Variants in PDE4D observed in about 807,000 individuals in gnomAD.
PDE4D encodes phosphodiesterase 4D, also known as 3',5'-cyclic-AMP phosphodiesterase 4D.
PDE4D carries 24 observed loss-of-function variants against 87.4 expected under a neutral mutation model. That is an observed-to-expected ratio of 0.27 (90% CI 0.20 to 0.39). PDE4D has a LOEUF of 0.39. PDE4D is among the 10% of genes least tolerant of loss of function. The pLI is 1.00. For missense variants in PDE4D, 714 were observed against 1,041.0 expected (o/e 0.69, Z 4.32); for synonymous variants, 384 against 383.2 (o/e 1.00, Z -0.02).
chr5:59,357,146 C>G (rs1020240556), intron 1 of PDE4D, among the ~76,000 whole-genome samples: 2 of 151,982 alleles, frequency 1.3e-5, no homozygotes, highest in Non-Finnish European at 2.9e-5. Flanking sequence ...TAAATATAGC[C>G]CTGATTAAAC....
At chr5:59,629,968 C>A (rs797008045) in intron 1 of PDE4D, among the ~76,000 whole-genome samples, 1 of 152,052 alleles carries the variant, frequency 6.6e-6, no homozygotes, top group South Asian at 2.1e-4. Flanking sequence ...GATTCAATGA[C>A]AATGAAACAA....
intron 5 of PDE4D, 93 bp from the exon 6 acceptor site, chr5:59,039,064 A>C: frequency 6.7e-7 from 1 of 1,499,886 alleles, no homozygotes; most frequent in Non-Finnish European, 8.9e-7. Flanking sequence ...ATACCCCGCC[A>C]TGCTCGGATG....
At chr5:59,853,559 TTAAC>T (rs1744989633) in intron 1 of PDE4D, among the ~76,000 whole-genome samples, 1 of 152,060 alleles carries the variant, frequency 6.6e-6, no homozygotes, top group African/African-American at 2.4e-5. Context: ...TTCGTCTAAT[TTAAC>T]TAGCATTAAT....
intron 1 of PDE4D, chr5:59,275,807 TAGAG>T: frequency 8.1e-6 from 8 of 986,066 alleles, no homozygotes; most frequent in Non-Finnish European, 8.4e-6. Context: ...AGAGCGCAGG[TAGAG>T]AGAGAGAAAA....
intron 1 of PDE4D, among the ~76,000 whole-genome samples, chr5:59,676,391 C>T (rs1349691461): frequency 6.6e-6 from 1 of 152,122 alleles, no homozygotes; most frequent in East Asian, 1.9e-4. Context: ...TACTTTCATT[C>T]AGTCAATAGA....
chr5:59,637,569 A>G (rs935174086), intron 1 of PDE4D, among the ~76,000 whole-genome samples: 1 of 142,594 alleles, frequency 7.0e-6, no homozygotes, highest in African/African-American at 2.6e-5. Flanking sequence ...TTGCAGACAT[A>G]AAAAAAAAAA....
At chr5:59,952,500 T>C (rs1027831537) in intron 3 of PDE4D, among the ~76,000 whole-genome samples, 3 of 152,192 alleles carry the variant, frequency 2.0e-5, no homozygotes, top group Non-Finnish European at 4.4e-5. Context: ...AAGATTAATA[T>C]ACAGATCTTC....
At chr5:59,687,292 T>C (rs935012220) in intron 1 of PDE4D, among the ~76,000 whole-genome samples, 1 of 151,982 alleles carries the variant, frequency 6.6e-6, no homozygotes, top group African/African-American at 2.4e-5. Context: ...TCACTAAAGT[T>C]GAAATGAAGG....
At chr5:60,298,856 C>A (rs545577130) in intron 1 of PDE4D, among the ~76,000 whole-genome samples, 4 of 152,014 alleles carry the variant, frequency 2.6e-5, no homozygotes, top group Admixed American at 2.6e-4. Context: ...AGAAACATAC[C>A]AAATATAAGA....
intron 3 of PDE4D, among the ~76,000 whole-genome samples, chr5:59,946,646 G>T (rs1430627588): frequency 6.6e-6 from 1 of 152,172 alleles, no homozygotes; most frequent in Non-Finnish European, 1.5e-5. Flanking sequence ...CTTAGCATTT[G>T]CCAGGTTTTA....
intron 1 of PDE4D, among the ~76,000 whole-genome samples, chr5:59,474,099 G>GGTGTGT (rs935279658): frequency 2.0e-5 from 3 of 151,976 alleles, no homozygotes; most frequent in African/African-American, 7.2e-5. Context: ...CTAAAATCAC[G>GGTGTGT]GTGTGTGTGT....
intron 3 of PDE4D, among the ~76,000 whole-genome samples, chr5:59,918,545 T>C (rs1754320136): frequency 6.6e-6 from 1 of 152,206 alleles, no homozygotes; most frequent in Non-Finnish European, 1.5e-5. Flanking sequence ...CTTATGCTTA[T>C]GCTATATAAA....
chr5:59,217,962 A>T (rs768193766), intron 1 of PDE4D: 5 of 472,990 alleles, frequency 1.1e-5, no homozygotes, highest in East Asian at 6.0e-5. Context: ...GTGCATTAAG[A>T]TACAAAAATA....
intron 1 of PDE4D, among the ~76,000 whole-genome samples, chr5:60,496,390 G>C (rs1749815794): frequency 6.6e-6 from 1 of 152,010 alleles, no homozygotes; most frequent in Admixed American, 6.6e-5. Flanking sequence ...TCCTGTCTTG[G>C]CTTCAGAAAA....
chr5:59,559,165 T>C (rs996300377), intron 1 of PDE4D, among the ~76,000 whole-genome samples: 1 of 152,190 alleles, frequency 6.6e-6, no homozygotes, highest in Non-Finnish European at 1.5e-5. Flanking sequence ...CATGTCAAAT[T>C]CCTAACATGG....
intron 1 of PDE4D, among the ~76,000 whole-genome samples, chr5:59,492,997 C>T (rs1257229359): frequency 6.6e-6 from 1 of 152,074 alleles, no homozygotes; most frequent in Non-Finnish European, 1.5e-5. Context: ...TCTTTTTCTT[C>T]CTAGTGTCAA....
chr5:59,658,539 G>A (rs147311172), intron 1 of PDE4D, among the ~76,000 whole-genome samples: 10,908 of 152,100 alleles, frequency 0.072, 1,201 homozygotes, highest in African/African-American at 0.24. Flanking sequence ...CCGCCACTGC[G>A]CCCAGCTAAT....
chr5:60,495,058 C>G (rs1749739306), intron 1 of PDE4D, among the ~76,000 whole-genome samples: 1 of 152,156 alleles, frequency 6.6e-6, no homozygotes, highest in African/African-American at 2.4e-5. Context: ...AGAGCACAGG[C>G]CACCACTAAG....
At chr5:58,976,229 A>C in intron 13 of PDE4D, 121 bp downstream of exon 13, 1 of 1,075,686 alleles carries the variant, frequency 9.3e-7, no homozygotes, top group Non-Finnish European at 1.3e-6. Flanking sequence ...AATCCTGCCT[A>C]CAATTGCTGA....
Sources: allele counts gnomAD v4.1 joint callset (sites outside exome capture counted in the v4.1 genomes callset), GRCh38; gene constraint gnomAD v4.1.1; transcripts MANE v1.5; gene names NCBI Gene and HGNC (gene_info 2026-07-23, HGNC 2026-07-21).